Variants in SHPRH observed in about 807,000 individuals in gnomAD.
SHPRH encodes the protein SNF2 histone linker PHD RING helicase, also known as E3 ubiquitin-protein ligase SHPRH.
SHPRH carries 106 observed loss-of-function variants against 202.5 expected under a neutral mutation model. The observed-to-expected ratio is 0.52, with a 90% CI of 0.45 to 0.62. The LOEUF (loss-of-function observed/expected upper bound fraction) is 0.62. Among genes scored for constraint, SHPRH ranks in the 20% least tolerant of loss-of-function variants. The pLI is 0.00. For missense variants in SHPRH, 1,710 were observed against 2,020.0 expected (o/e 0.85, Z 2.94); for synonymous variants, 729 against 686.0 (o/e 1.06, Z -0.98).
chr6:145,945,344 G>A lies in SHPRH; in HGVS notation c.1578+37C>T, dbSNP rs540718950. 7.8e-5 allele frequency: 122 copies of A among 1,573,038 alleles called. 2 individuals carry two copies. In the South Asian group the frequency reaches 1.3e-3, roughly 17 times the overall value. On this transcript the variant is annotated intron_variant, in intron 8 of 29. Transcript: ENST00000275233. ...ATGTACTCAGTAAGGTATCACATAC[G>A]TGTACTTAATATAGAGCTGAACTTA...
chr6:145,894,133 G>C lies in SHPRH; in HGVS notation c.4695+17C>G. The C allele has an allele frequency of 1.3e-6, 2 of 1,576,880 alleles. No individual in the cohort carries two copies. Among genetic ancestry groups the C allele is most frequent in the Non-Finnish European group, 1.7e-6 (2 of 1,165,626 alleles). On this transcript the variant is annotated intron_variant, in intron 27 of 29. Coordinates refer to ENST00000275233, the MANE Select transcript of SHPRH (RefSeq NM_001042683.3). ...AACTGTATCCACTACAAAAACCGGA[G>C]TAAAATCTTAACATACCTGAAATGT...
chr6:145,935,294 T>G lies in SHPRH; in HGVS notation c.2717A>C (p.Lys906Thr). ...TGTACTGACTTGGTCAATCACATCTTTCTTTGCAGACCTCCACAGTATCTT... is the reference window on the plus strand; with the variant it reads ...TGTACTGACTTGGTCAATCACATCTGTCTTTGCAGACCTCCACAGTATCTT... ...IAKILWRSAK[K>T]DVIDQIQIPP... is the part of the protein sequence containing the mutation. Residue 906 changes from lysine (K) to threonine (T), a missense_variant, in exon 12 of 30, where the codon AAA becomes ACA. This residue lies in a region of SHPRH where 277 missense variants were observed against 363.0 expected (regional missense o/e 0.76). Transcript: ENST00000275233. 2 of 1,614,084 alleles carry G rather than the reference T, an allele frequency of 1.2e-6. No homozygotes were observed. The highest frequency in any genetic ancestry group is 1.1e-5 in the South Asian group (1 of 91,078).
chr6:145,859,718 T>C (rs745917714), downstream of SHPRH, among the ~76,000 whole-genome samples: 2 of 152,018 alleles, frequency 1.3e-5, no homozygotes, highest in Non-Finnish European at 2.9e-5. Context: ...TCCAAACCAA[T>C]GTAAAAAGTT....
intron 7 of SHPRH, 76 bp from the exon 8 acceptor site, chr6:145,945,713 C>A: frequency 7.0e-7 from 1 of 1,425,774 alleles, no homozygotes; most frequent in Non-Finnish European, 9.3e-7. Flanking sequence ...TAATCTTAAT[C>A]TGCATGAGGA....
At chr6:145,922,867 C>T (rs750162912) in intron 18 of SHPRH, 31 bp from the exon 19 acceptor site, 14 of 1,510,560 alleles carry the variant, frequency 9.3e-6, no homozygotes, top group African/African-American at 2.9e-5. Context: ...ACACACAATA[C>T]AAAGAAAAGA....
At chr6:145,944,531 A>C (rs1012252709) in intron 8 of SHPRH, among the ~76,000 whole-genome samples, 4 of 152,070 alleles carry the variant, frequency 2.6e-5, no homozygotes, top group African/African-American at 9.7e-5. Flanking sequence ...CACAACATGT[A>C]ATCAATGGCA....
chr6:145,920,494 A>C (rs1223891238), intron 21 of SHPRH, among the ~76,000 whole-genome samples: 1 of 152,106 alleles, frequency 6.6e-6, no homozygotes, highest in Non-Finnish European at 1.5e-5. Flanking sequence ...ACAAATAACT[A>C]TCTCTCTGCA....
Position 145,950,474 on chromosome 6 carries a change from C to T in SHPRH, c.772G>A (p.Glu258Lys). 1 of 1,612,756 alleles carries T rather than the reference C, an allele frequency of 6.2e-7. No homozygotes were observed. Among genetic ancestry groups the T allele is most frequent in the African/African-American group, 1.3e-5 (1 of 74,944 alleles). ...CTCTCCGGATCATCTTCATCCTCTT[C>T]CAACACATCTGTACATCACACAGCA... ...LHNSIIPDVL[E>K]EDEDDPESEP... The change falls in exon 4 of 30, where the codon GAA becomes AAA. Residue 258 changes from glutamate (E) to lysine (K), a missense_variant. By Grantham distance (56) the Glu-to-Lys change is moderately conservative. This residue lies in a region of SHPRH where 459 missense variants were observed against 426.5 expected (regional missense o/e 1.08). Transcript: ENST00000275233.
intron 23 of SHPRH, among the ~76,000 whole-genome samples, chr6:145,915,548 C>CT (rs1783874202): frequency 6.6e-6 from 1 of 151,758 alleles, no homozygotes; most frequent in South Asian, 2.1e-4. Flanking sequence ...AGGAAATTTT[C>CT]TTTAAGTATA....
At chr6:145,950,162 T>C (rs2128796646) in intron 4 of SHPRH, 102 bp downstream of exon 4, 1 of 906,880 alleles carries the variant, frequency 1.1e-6, no homozygotes, top group Non-Finnish European at 1.7e-6. Flanking sequence ...CTATCTTATA[T>C]TTTCAGGATG....
intron 11 of SHPRH, among the ~76,000 whole-genome samples, chr6:145,937,473 T>C (rs1359930936): frequency 1.3e-5 from 2 of 152,152 alleles, no homozygotes; most frequent in Non-Finnish European, 1.5e-5. Context: ...TTACTTCTTA[T>C]AGACAATCAA....
At chr6:145,960,443 T>C (rs1043898723) in intron 1 of SHPRH, among the ~76,000 whole-genome samples, 2 of 152,232 alleles carry the variant, frequency 1.3e-5, no homozygotes, top group South Asian at 2.1e-4. Context: ...AGTTACACAA[T>C]GTATCACACT....
At chr6:145,863,082 G>A (rs183533646), downstream of SHPRH, among the ~76,000 whole-genome samples, 153 of 152,314 alleles carry the variant, frequency 1.0e-3, 1 homozygote, top group African/African-American at 3.6e-3. Flanking sequence ...TTATGTATGA[G>A]ACCCTGTGCT....
chr6:145,886,621 T>G lies in SHPRH; in HGVS notation c.*70A>C. On this transcript the variant is annotated 3_prime_UTR_variant, in exon 30 of 30. Coordinates refer to ENST00000275233, the MANE Select transcript of SHPRH (RefSeq NM_001042683.3). Reference sequence around the variant, plus strand: ...CTGTTATCTACTGGGTTTTTAAAACTTGTAACTTTGCTCTACAGCTATGAA... The same window carrying G: ...CTGTTATCTACTGGGTTTTTAAAACGTGTAACTTTGCTCTACAGCTATGAA... 6.3e-7 allele frequency: 1 copy of G among 1,581,606 alleles called. No individual in the cohort carries two copies. The highest frequency in any genetic ancestry group is 8.6e-7 in the Non-Finnish European group (1 of 1,166,294).
intron 28 of SHPRH, among the ~76,000 whole-genome samples, chr6:145,890,274 A>C (rs1781465834): frequency 6.6e-6 from 1 of 152,042 alleles, no homozygotes; most frequent in South Asian, 2.1e-4. Flanking sequence ...AAGTTACCTA[A>C]CCTCTCTTTG....
intron 2 of SHPRH, among the ~76,000 whole-genome samples, chr6:145,875,879 T>C (rs974081746): frequency 3.9e-5 from 6 of 152,232 alleles, no homozygotes; most frequent in African/African-American, 1.4e-4. Flanking sequence ...CAATGTGTGC[T>C]TCATATTTTG....
At chr6:145,861,428 CAA>C (rs201603216), downstream of SHPRH, among the ~76,000 whole-genome samples, 2 of 131,724 alleles carry the variant, frequency 1.5e-5, no homozygotes. Flanking sequence ...TGGCTATTAT[CAA>C]AAAAAAAAAA....
At chr6:145,927,165 T>C in intron 15 of SHPRH, 24 bp downstream of exon 15, 3 of 1,594,880 alleles carry the variant, frequency 1.9e-6, no homozygotes, top group Non-Finnish European at 2.6e-6. Context: ...AGAATACCTA[T>C]GAAACTGTTT....
chr6:145,945,017 T>C (rs1787213991), intron 8 of SHPRH, among the ~76,000 whole-genome samples: 1 of 152,076 alleles, frequency 6.6e-6, no homozygotes, highest in Non-Finnish European at 1.5e-5. Context: ...CTATGACCAC[T>C]GCATTCTAGC....
Sources: allele counts gnomAD v4.1 joint callset (sites outside exome capture counted in the v4.1 genomes callset), GRCh38; gene constraint gnomAD v4.1.1; regional missense constraint gnomAD v4.1.1; transcripts MANE v1.5; gene names NCBI Gene and HGNC (gene_info 2026-07-23, HGNC 2026-07-21).